Variants in ANGPT1 observed in about 807,000 individuals in gnomAD.
The protein encoded by ANGPT1 is angiopoietin-1.
ANGPT1 carries 17 observed loss-of-function variants against 62.2 expected under a neutral mutation model. The observed-to-expected ratio is 0.27, with a 90% CI of 0.19 to 0.41. The LOEUF is 0.41. Among genes scored for constraint, ANGPT1 ranks in the 10% least tolerant of loss-of-function variants. The pLI, the probability that ANGPT1 is intolerant of heterozygous loss-of-function variation, is 1.00. For synonymous variants in ANGPT1, 199 were observed against 198.9 expected, an observed-to-expected ratio of 1.00 and a Z score of 0.00; for missense variants, 478 against 594.9, an observed-to-expected ratio of 0.80 and a Z score of 2.04.
At chr8:107,469,873 T>C (rs1812300289) in intron 1 of ANGPT1, among the ~76,000 whole-genome samples, 2 of 152,076 alleles carry the variant, frequency 1.3e-5, no homozygotes, top group Non-Finnish European at 2.9e-5. Context: ...TCAGACAATA[T>C]GGATAACACC....
Position 107,257,870 on chromosome 8 carries a change from G to GTTTTTTTTTTTTT in ANGPT1, c.1337-5856_1337-5855insAAAAAAAAAAAAA, listed in dbSNP as rs750634420. 7.7e-4 allele frequency among the ~76,000 whole-genome samples: 35 copies of GTTTTTTTTTTTTT among 45,226 alleles called. 1 individual carries two copies. The highest frequency in any genetic ancestry group is 1.2e-3 in the Non-Finnish European group (25 of 21,698). 29.7% of individuals were successfully genotyped at this position (45,226 alleles called of 152,430 possible). On this transcript the variant is annotated intron_variant, in intron 8 of 8. Coordinates refer to ENST00000517746, the MANE Select transcript of ANGPT1 (RefSeq NM_001146.5). ...TATATCCTCTTCAGGCCAAGGACTT[G>GTTTTTTTTTTTTT]TTTTTGTTTCTTTTTTGTTTGTTTG...
chr8:107,278,644 G>A (rs10105844), intron 7 of ANGPT1, among the ~76,000 whole-genome samples: 118,433 of 152,068 alleles, frequency 0.78, 46,529 homozygotes, highest in Middle Eastern at 0.85. Context: ...CTCTGAGAAC[G>A]TCATCAGATA....
intron 6 of ANGPT1, among the ~76,000 whole-genome samples, chr8:107,286,861 AT>A (rs1814154263): frequency 6.6e-6 from 1 of 152,178 alleles, no homozygotes; most frequent in Middle Eastern, 3.2e-3. Context: ...TGTGCTAAGA[AT>A]TTTACACATT....
chr8:107,379,861 T>C (rs1449143329), intron 1 of ANGPT1, among the ~76,000 whole-genome samples: 1 of 152,292 alleles, frequency 6.6e-6, no homozygotes, highest in East Asian at 1.9e-4. Context: ...AGATTGTTAT[T>C]GTTATTTTAA....
chr8:107,321,604 T>G (rs1344027618), intron 4 of ANGPT1, among the ~76,000 whole-genome samples: 1 of 152,152 alleles, frequency 6.6e-6, no homozygotes, highest in Non-Finnish European at 1.5e-5. Context: ...TACCAATTAT[T>G]TATTCACGAC....
chr8:107,352,987 C>T (rs1487928417), intron 1 of ANGPT1, among the ~76,000 whole-genome samples: 10 of 151,670 alleles, frequency 6.6e-5, no homozygotes, highest in African/African-American at 2.4e-4. Flanking sequence ...ACAGCTGAAG[C>T]CAAATATATT....
chr8:107,475,697 G>C (rs920867608), intron 1 of ANGPT1, among the ~76,000 whole-genome samples: 9 of 152,234 alleles, frequency 5.9e-5, no homozygotes, highest in Non-Finnish European at 1.0e-4. Context: ...CTGACAAAGG[G>C]TTAATATCCA....
chr8:107,496,126 C>A (rs1313104678), intron 1 of ANGPT1, among the ~76,000 whole-genome samples: 4 of 152,122 alleles, frequency 2.6e-5, no homozygotes, highest in Non-Finnish European at 5.9e-5. Flanking sequence ...AAGGGATTGC[C>A]CGGTTAACAG....
intron 1 of ANGPT1, among the ~76,000 whole-genome samples, chr8:107,432,682 T>G (rs911748784): frequency 6.7e-6 from 1 of 148,760 alleles, no homozygotes; most frequent in African/African-American, 2.5e-5. Flanking sequence ...AAAAAAAAAG[T>G]CCTCAATGAA....
chr8:107,264,393 A>C (rs368073535), intron 7 of ANGPT1, 42 bp from the exon 8 acceptor site: 1 of 1,595,618 alleles, frequency 6.3e-7, no homozygotes, highest in African/African-American at 1.4e-5. Flanking sequence ...GCCATTCGAC[A>C]GAATAACAGA....
At chr8:107,285,272 T>C (rs1333673566) in intron 6 of ANGPT1, among the ~76,000 whole-genome samples, 1 of 152,188 alleles carries the variant, frequency 6.6e-6, no homozygotes, top group Non-Finnish European at 1.5e-5. Context: ...ATATTATTTT[T>C]ACTATTATTA....
At chr8:107,348,483 G>A (rs2436562) in intron 1 of ANGPT1, among the ~76,000 whole-genome samples, 32,366 of 151,828 alleles carry the variant, frequency 0.21, 4,061 homozygotes, top group East Asian at 0.37. Flanking sequence ...TTCATTCTTG[G>A]CCAATATAAG....
intron 1 of ANGPT1, among the ~76,000 whole-genome samples, chr8:107,410,482 T>G (rs372480815): frequency 1.7e-4 from 26 of 152,236 alleles, no homozygotes; most frequent in African/African-American, 5.8e-4. Context: ...CATCAAAAAC[T>G]TGTGTTTTCT....
intron 1 of ANGPT1, among the ~76,000 whole-genome samples, chr8:107,476,282 G>A (rs1441523041): frequency 6.6e-6 from 1 of 152,154 alleles, no homozygotes; most frequent in Non-Finnish European, 1.5e-5. Flanking sequence ...CATGTCCTTT[G>A]TAAGGACATG....
chr8:107,412,319 G>A (rs995679214), intron 1 of ANGPT1, among the ~76,000 whole-genome samples: 2 of 152,084 alleles, frequency 1.3e-5, no homozygotes, highest in African/African-American at 2.4e-5. Flanking sequence ...AGTCCCTGGC[G>A]ATAGAGGAAG....
intron 7 of ANGPT1, among the ~76,000 whole-genome samples, chr8:107,266,696 G>A (rs1331592960): frequency 6.9e-6 from 1 of 145,828 alleles, no homozygotes; most frequent in Non-Finnish European, 1.6e-5. Context: ...TTTCTCCGCA[G>A]TAGCTTTAAG....
At chr8:107,387,232 T>TTGCTCATAAGCAACGTTGCTC (rs1191623114) in intron 1 of ANGPT1, among the ~76,000 whole-genome samples, 1 of 152,104 alleles carries the variant, frequency 6.6e-6, no homozygotes, top group Non-Finnish European at 1.5e-5. Flanking sequence ...AGGTGCCAAG[T>TTGCTCATAAGCAACGTTGCTC]ATGAGCAACG....
intron 4 of ANGPT1, among the ~76,000 whole-genome samples, chr8:107,321,230 A>C (rs1023748140): frequency 6.6e-6 from 1 of 152,078 alleles, no homozygotes; most frequent in Non-Finnish European, 1.5e-5. Flanking sequence ...AGATATTCCC[A>C]AAGGTTCAAT....
At chr8:107,485,981 G>T (rs1812803081) in intron 1 of ANGPT1, among the ~76,000 whole-genome samples, 1 of 152,172 alleles carries the variant, frequency 6.6e-6, no homozygotes, top group South Asian at 2.1e-4. Context: ...GGATTCTGCG[G>T]TCTGTTAACA....
Sources: allele counts gnomAD v4.1 joint callset (sites outside exome capture counted in the v4.1 genomes callset), GRCh38; gene constraint gnomAD v4.1.1; transcripts MANE v1.5; gene names NCBI Gene and HGNC (gene_info 2026-07-23, HGNC 2026-07-21).